PPP2R2C: variants seen among roughly 807,000 people sequenced by gnomAD.
PPP2R2C encodes protein phosphatase 2, regulatory subunit B, gamma.
PPP2R2C carries 10 observed loss-of-function variants against 45.3 expected under a neutral mutation model. That is an observed-to-expected ratio of 0.22 (90% confidence interval 0.14 to 0.37). PPP2R2C has a LOEUF of 0.37. PPP2R2C is among the 10% of genes least tolerant of loss of function. The probability of loss-of-function intolerance (pLI) is 1.00; values close to 1 mark genes in which losing one functional copy is unlikely to be tolerated. For synonymous variants in PPP2R2C, 257 were observed against 245.4 expected, an observed-to-expected ratio of 1.05 and a Z score of -0.44; for missense variants, 308 against 619.7, an observed-to-expected ratio of 0.50 and a Z score of 5.34.
rs765926966 is a variant in PPP2R2C at position 6,323,495 on chromosome 4, G to A, written c.1151C>T (p.Pro384Leu). Reference protein sequence around the residue: ...TLEASRESSKPRAVLKPRRVC... With the variant: ...TLEASRESSKLRAVLKPRRVC... ...GCGCCGTGGCTTGAGCACAGCCCGG[G>A]GCTTGCTGCTTTCCCTCGAGGCCTC... The change falls in exon 9 of 9, where the codon CCC becomes CTC. Residue 384 changes from proline (P) to leucine (L), a missense_variant. By Grantham distance (98) the Pro-to-Leu change is moderately conservative (BLOSUM62 -3). Transcript: ENST00000382599. 2 of 1,608,816 alleles carry A rather than the reference G, an allele frequency of 1.2e-6. No individual in the cohort carries two copies. The highest frequency in any genetic ancestry group is 2.2e-5 in the East Asian group (1 of 44,700).
intron 1 of PPP2R2C, among the ~76,000 whole-genome samples, chr4:6,415,221 G>A (rs1172896905): frequency 6.6e-6 from 1 of 152,228 alleles, no homozygotes; most frequent in Non-Finnish European, 1.5e-5. Context: ...GCGCCAGCAT[G>A]TCCACTGTTA....
chr4:6,418,649 G>C (rs958872540), intron 1 of PPP2R2C, among the ~76,000 whole-genome samples: 8 of 152,192 alleles, frequency 5.3e-5, no homozygotes, highest in African/African-American at 1.9e-4. Flanking sequence ...CCTGTGCTGG[G>C]TTCACCTCAC....
chr4:6,381,688 C>G, intron 1 of PPP2R2C: 1 of 1,529,066 alleles, frequency 6.5e-7, no homozygotes, highest in African/African-American at 1.4e-5. Context: ...GAAGCTCAGC[C>G]CTGCCTGCCC....
chr4:6,535,075 G>A (rs1319194471), intron 2 of PPP2R2C, among the ~76,000 whole-genome samples: 2 of 152,226 alleles, frequency 1.3e-5, no homozygotes, highest in African/African-American at 4.8e-5. Context: ...GGGGGCTGGT[G>A]GGGTGGGGCC....
At chr4:6,507,527 G>A (rs915689863) in intron 2 of PPP2R2C, among the ~76,000 whole-genome samples, 1 of 152,240 alleles carries the variant, frequency 6.6e-6, no homozygotes, top group African/African-American at 2.4e-5. Flanking sequence ...GGAGTGAGAG[G>A]CCGAGCCAGC....
chr4:6,409,586 G>C (rs1718015364), intron 1 of PPP2R2C, among the ~76,000 whole-genome samples: 1 of 152,190 alleles, frequency 6.6e-6, no homozygotes, highest in East Asian at 1.9e-4. Context: ...CTCTGCAGGA[G>C]AGTAAAGTGC....
chr4:6,529,007 G>A (rs1486059200), intron 2 of PPP2R2C, among the ~76,000 whole-genome samples: 1 of 152,152 alleles, frequency 6.6e-6, no homozygotes, highest in Non-Finnish European at 1.5e-5. Flanking sequence ...TCACACGGAC[G>A]CGCACTAAAC....
At chr4:6,450,271 C>G (rs2108745284) in intron 1 of PPP2R2C, among the ~76,000 whole-genome samples, 1 of 152,254 alleles carries the variant, frequency 6.6e-6, no homozygotes, top group African/African-American at 2.4e-5. Flanking sequence ...GAGATACAGG[C>G]TGGGGTGCTC....
At chr4:6,528,424 G>A (rs1560604344) in intron 2 of PPP2R2C, among the ~76,000 whole-genome samples, 2 of 152,194 alleles carry the variant, frequency 1.3e-5, no homozygotes, top group Admixed American at 6.5e-5. Flanking sequence ...GAATCTTCAG[G>A]ATCCTGCAGA....
At chr4:6,475,874 G>A (rs1722126168), upstream of PPP2R2C, among the ~76,000 whole-genome samples, 1 of 152,232 alleles carries the variant, frequency 6.6e-6, no homozygotes, top group African/African-American at 2.4e-5. Flanking sequence ...GTTTGCAGGT[G>A]GGGCCTTTGG....
At chr4:6,416,703 C>T (rs545630874) in intron 1 of PPP2R2C, among the ~76,000 whole-genome samples, 5 of 152,364 alleles carry the variant, frequency 3.3e-5, no homozygotes, top group Admixed American at 6.5e-5. Flanking sequence ...CCCGGGACCA[C>T]AGATGCCAAG....
chr4:6,540,726 A>G (rs2108831420), intron 1 of PPP2R2C, among the ~76,000 whole-genome samples: 1 of 152,296 alleles, frequency 6.6e-6, no homozygotes, highest in African/African-American at 2.4e-5. Context: ...TGGTTTCTGC[A>G]TGAAGATGGG....
At chr4:6,366,488 C>T (rs112125322) in intron 5 of PPP2R2C, among the ~76,000 whole-genome samples, 95 of 152,332 alleles carry the variant, frequency 6.2e-4, no homozygotes, top group African/African-American at 2.1e-3. Flanking sequence ...GCAGAGAGGC[C>T]TCACCCTGGG....
chr4:6,450,131 G>A (rs1720657221), intron 1 of PPP2R2C, among the ~76,000 whole-genome samples: 1 of 152,296 alleles, frequency 6.6e-6, no homozygotes, highest in Non-Finnish European at 1.5e-5. Context: ...ACAAGGCTGG[G>A]GCCAAATCCC....
At chr4:6,347,724 G>T in intron 6 of PPP2R2C, 122 bp downstream of exon 6, 4 of 1,295,784 alleles carry the variant, frequency 3.1e-6, no homozygotes, top group Non-Finnish European at 4.2e-6. Context: ...CACCCACCTT[G>T]GCCAGTCCAG....
chr4:6,555,176 T>TCTTGAC (rs1725353895), intron 1 of PPP2R2C, among the ~76,000 whole-genome samples: 2 of 152,042 alleles, frequency 1.3e-5, no homozygotes, highest in Non-Finnish European at 2.9e-5. Flanking sequence ...GGCTCCACCC[T>TCTTGAC]CTTGACCTCT....
chr4:6,471,306 C>T lies in PPP2R2C; in HGVS notation c.70+854G>A, dbSNP rs564506346. Among the ~76,000 whole-genome samples, 2 of 152,286 alleles carry T rather than the reference C, an allele frequency of 1.3e-5. No homozygotes were observed. The highest frequency in any genetic ancestry group is 4.1e-4 in the South Asian group (2 of 4,822). ...CCCGGTCCCCATCCTCCATCGGGGT[C>T]ACTCCGCGGGCCCTGCCTGCGCACG... On this transcript the variant is annotated intron_variant, in intron 1 of 8. Transcript: ENST00000382599. This position sits in a 1 kb window ranked among gnomAD's most constrained non-coding sequence, Gnocchi z 5.6.
rs1006286550 is a variant in PPP2R2C at position 6,350,477 on chromosome 4, G to A, written c.626-2467C>T. The stretch of plus-strand genomic sequence containing the variant: ...CACCCTGAGACACACAAAAGCCACA[G>A]GAGGCTTGGTGGCAACAGAAGCGCC... On this transcript the variant is annotated intron_variant, in intron 5 of 8. Coordinates refer to ENST00000382599, the MANE Select transcript of PPP2R2C (RefSeq NM_020416.4). 9.1e-6 allele frequency: 9 copies of A among 985,366 alleles called. No homozygotes were observed. In the African/African-American group the frequency reaches 1.6e-4, roughly 17 times the overall value. The allele number at this position is 985,366 out of a possible 1,614,324, so 61.0% of individuals were successfully genotyped here.
chr4:6,416,033 T>C (rs1216044203), intron 1 of PPP2R2C, among the ~76,000 whole-genome samples: 2 of 152,246 alleles, frequency 1.3e-5, no homozygotes, highest in East Asian at 3.9e-4. Context: ...CCCAAGTTCC[T>C]AGCAGTCCCT....
Sources: gnomAD v4.1 joint callset for allele counts (sites outside exome capture counted in the v4.1 genomes callset) on GRCh38, gnomAD v4.1.1 for gene constraint, Gnocchi (gnomAD v3.1) non-coding constraint, MANE v1.5 for transcripts, NCBI Gene and HGNC (gene_info 2026-07-23, HGNC 2026-07-21) for gene names.